DLGAP1: variants seen among roughly 807,000 people sequenced by gnomAD.
DLGAP1 encodes the protein DLG associated protein 1.
In DLGAP1, 11 loss-of-function variants were observed where a neutral mutation model predicts 90.8. The ratio of observed to expected loss-of-function variants is 0.12; its 90% CI spans 0.08 to 0.20. The LOEUF (loss-of-function observed/expected upper bound fraction) is 0.20. DLGAP1 is among the 10% of genes least tolerant of loss of function. The pLI, the probability that DLGAP1 is intolerant of heterozygous loss-of-function variation, is 1.00. For missense variants in DLGAP1, 1,050 were observed against 1,333.8 expected, an observed-to-expected ratio of 0.79 and a Z score of 3.31; for synonymous variants, 558 against 540.7, an observed-to-expected ratio of 1.03 and a Z score of -0.44.
At chr18:4,026,224 G>C (rs77183979) in intron 2 of DLGAP1, among the ~76,000 whole-genome samples, 2,277 of 152,308 alleles carry the variant, frequency 0.015, 66 homozygotes, top group African/African-American at 0.049. Context: ...CTAGAAAAAG[G>C]CTTCTGAACT....
chr18:3,902,628 C>T (rs527518587), intron 3 of DLGAP1, among the ~76,000 whole-genome samples: 4 of 152,104 alleles, frequency 2.6e-5, no homozygotes, highest in Non-Finnish European at 2.9e-5. Flanking sequence ...GCTTTCTGCT[C>T]GGCCCCCACC....
intron 4 of DLGAP1, among the ~76,000 whole-genome samples, chr18:3,870,448 TAA>T (rs1434281731): frequency 6.6e-6 from 1 of 152,184 alleles, no homozygotes; most frequent in Non-Finnish European, 1.5e-5. Flanking sequence ...GGGCAATAAC[TAA>T]GAGATTAGCT....
intron 7 of DLGAP1, among the ~76,000 whole-genome samples, chr18:3,718,869 T>A (rs1347276355): frequency 7.0e-6 from 1 of 141,898 alleles, no homozygotes; most frequent in Admixed American, 7.6e-5. Context: ...GAGGTTGCAG[T>A]GAGCCGAGAT....
chr18:3,856,993 ATTAT>A (rs1362992476), intron 4 of DLGAP1, among the ~76,000 whole-genome samples: 1 of 152,120 alleles, frequency 6.6e-6, no homozygotes, highest in Non-Finnish European at 1.5e-5. Context: ...AATACAGCTG[ATTAT>A]TTAGTATAAT....
intron 2 of DLGAP1, among the ~76,000 whole-genome samples, chr18:4,023,816 A>G (rs1384730743): frequency 3.3e-5 from 5 of 152,172 alleles, no homozygotes; most frequent in Non-Finnish European, 2.9e-5. Context: ...CAAAACTGGA[A>G]TGGCCTAGCA....
intron 2 of DLGAP1, among the ~76,000 whole-genome samples, chr18:4,047,409 C>T (rs141356351): frequency 0.012 from 1,879 of 152,252 alleles, 34 homozygotes; most frequent in African/African-American, 0.037. Context: ...AATTGTATTG[C>T]GCCATCTTGC....
chr18:3,616,740 G>A lies in DLGAP1; in HGVS notation c.1592-34492C>T, dbSNP rs576262834. Reference sequence around the variant, plus strand: ...ACTTAAACCACCCTAGGCGGCAGAGGGAGACCCTGTCTCAAAAAAACAAAA... The same window carrying A: ...ACTTAAACCACCCTAGGCGGCAGAGAGAGACCCTGTCTCAAAAAAACAAAA... On this transcript the variant is annotated intron_variant, in intron 7 of 12. Transcript: ENST00000315677. Among the ~76,000 whole-genome samples the A allele has an allele frequency of 5.9e-5, 9 of 152,024 alleles. No individual in the cohort carries two copies. In the East Asian group the frequency reaches 1.2e-3, roughly 20 times the overall value.
At chr18:3,645,219 A>AG (rs2059077363) in intron 7 of DLGAP1, among the ~76,000 whole-genome samples, 1 of 152,092 alleles carries the variant, frequency 6.6e-6, no homozygotes, top group Non-Finnish European at 1.5e-5. Context: ...GAGCCTCCCG[A>AG]GTAGCTGGGA....
chr18:4,373,440 G>A (rs1326225241), intron 1 of DLGAP1, among the ~76,000 whole-genome samples: 1 of 152,122 alleles, frequency 6.6e-6, no homozygotes, highest in African/African-American at 2.4e-5. Flanking sequence ...ATTCCAGCGT[G>A]GAGGAAAGGG....
At chr18:3,942,787 T>C (rs1403982984) in intron 3 of DLGAP1, among the ~76,000 whole-genome samples, 1 of 152,182 alleles carries the variant, frequency 6.6e-6, no homozygotes, top group Non-Finnish European at 1.5e-5. Flanking sequence ...TTTCTTGAAT[T>C]GAAAAATGTT....
chr18:3,848,367 C>G (rs1203547232), intron 4 of DLGAP1, among the ~76,000 whole-genome samples: 2 of 152,004 alleles, frequency 1.3e-5, no homozygotes, highest in Admixed American at 1.3e-4. Context: ...TTTTCTCTAT[C>G]AGAGGACATG....
intron 1 of DLGAP1, among the ~76,000 whole-genome samples, chr18:4,319,293 T>C (rs904260200): frequency 9.2e-5 from 14 of 152,250 alleles, no homozygotes; most frequent in Non-Finnish European, 2.1e-4. Flanking sequence ...CACTATCTTA[T>C]GTAGCCCTTC....
chr18:4,061,006 G>A (rs572173730), intron 2 of DLGAP1, among the ~76,000 whole-genome samples: 8 of 152,180 alleles, frequency 5.3e-5, no homozygotes, highest in Admixed American at 5.2e-4. Flanking sequence ...TTTAAACCTC[G>A]GTAAGGCCTG....
At chr18:3,772,429 TCCTCCCTCCCTC>T (rs1187088283) in intron 5 of DLGAP1, among the ~76,000 whole-genome samples, 1 of 83,610 alleles carries the variant, frequency 1.2e-5, no homozygotes, top group Non-Finnish European at 2.4e-5. Flanking sequence ...TTTCCTTCCT[TCCTCCCTCCCTC>T]CCTCCCCCCC....
intron 9 of DLGAP1, among the ~76,000 whole-genome samples, chr18:3,549,534 T>G (rs1568175288): frequency 6.6e-6 from 1 of 152,174 alleles, no homozygotes; most frequent in East Asian, 1.9e-4. Context: ...GGTTTCAGCG[T>G]GTTGGTCAGG....
chr18:4,325,151 A>G (rs1568514915), intron 1 of DLGAP1, among the ~76,000 whole-genome samples: 1 of 152,184 alleles, frequency 6.6e-6, no homozygotes, highest in Non-Finnish European at 1.5e-5. Flanking sequence ...TCTGATATAC[A>G]ACTTTAGCAA....
chr18:3,602,030 A>G (rs1448718232), intron 7 of DLGAP1, among the ~76,000 whole-genome samples: 1 of 151,692 alleles, frequency 6.6e-6, no homozygotes, highest in Non-Finnish European at 1.5e-5. Flanking sequence ...TAAATAAATA[A>G]ATAAAACATA....
At chr18:4,086,234 G>C (rs1222739580) in intron 2 of DLGAP1, among the ~76,000 whole-genome samples, 1 of 152,050 alleles carries the variant, frequency 6.6e-6, no homozygotes, top group Non-Finnish European at 1.5e-5. Flanking sequence ...GGTTCAAAAG[G>C]CATCCCAAAA....
At chr18:4,371,912 G>C (rs902844511) in intron 1 of DLGAP1, among the ~76,000 whole-genome samples, 3 of 152,192 alleles carry the variant, frequency 2.0e-5, no homozygotes, top group Non-Finnish European at 4.4e-5. Flanking sequence ...CAAAGTAACA[G>C]GTGTTAATTC....
Sources: allele counts gnomAD v4.1 joint callset (sites outside exome capture counted in the v4.1 genomes callset), GRCh38; gene constraint gnomAD v4.1.1; transcripts MANE v1.5; gene names NCBI Gene and HGNC (gene_info 2026-07-23, HGNC 2026-07-21).